The following SEC23B variants were observed in gnomAD, a reference collection of about 807,000 sequenced individuals.
The protein encoded by SEC23B is SEC23 homolog B, COPII component.
Under a neutral mutation model 104.3 loss-of-function variants are expected in SEC23B, and 77 were observed. The ratio of observed to expected loss-of-function variants is 0.74; its 90% CI spans 0.61 to 0.89. The LOEUF (loss-of-function observed/expected upper bound fraction) is 0.89, where lower values mean the gene tolerates loss of function less well. SEC23B is among the 40% of genes least tolerant of loss of function. The pLI is 0.00. For synonymous variants in SEC23B, 338 were observed against 332.5 expected (o/e 1.02, Z -0.18); for missense variants, 885 against 949.4 (o/e 0.93, Z 0.89).
intron 4 of SEC23B, among the ~76,000 whole-genome samples, chr20:18,523,637 G>A (rs867009618): frequency 2.7e-5 from 4 of 150,856 alleles, no homozygotes; most frequent in East Asian, 2.0e-4. Flanking sequence ...TCCTGACCTC[G>A]TGATCCACCT....
intron 9 of SEC23B, among the ~76,000 whole-genome samples, chr20:18,529,528 G>A (rs1408583606): frequency 6.6e-6 from 1 of 152,152 alleles, no homozygotes; most frequent in East Asian, 1.9e-4. Context: ...TGTTGCTTTC[G>A]TCATCATTAC....
At chr20:18,517,674 G>C (rs548373859) in intron 4 of SEC23B, among the ~76,000 whole-genome samples, 1 of 152,144 alleles carries the variant, frequency 6.6e-6, no homozygotes, top group Non-Finnish European at 1.5e-5. Flanking sequence ...TGCTTCTAGC[G>C]GGATTAGGGG....
chr20:18,530,362 C>T (rs537931693), intron 9 of SEC23B, among the ~76,000 whole-genome samples: 1 of 152,060 alleles, frequency 6.6e-6, no homozygotes, highest in African/African-American at 2.4e-5. Context: ...AGTGATTCTC[C>T]TGCCTCAGCC....
Position 18,551,165 on chromosome 20 carries a change from A to G in SEC23B, c.1982A>G (p.Tyr661Cys), listed in dbSNP as rs1469443559. The G allele has an allele frequency of 6.4e-7, 1 of 1,566,000 alleles. No individual in the cohort carries two copies. The highest frequency in any genetic ancestry group is 8.8e-7 in the Non-Finnish European group (1 of 1,141,278). Residue 661 changes from tyrosine to cysteine, a missense_variant, in exon 17 of 20, where the codon TAT (tyrosine) becomes TGT (cysteine). By Grantham distance (194) the Tyr-to-Cys change is radical (BLOSUM62 -2). Coordinates refer to ENST00000650089, the MANE Select transcript of SEC23B (RefSeq NM_006363.6). ...GATACTTTCTTTCAAATTGTCATTT[A>G]TCTTGGTGAGGTAAGATGATATTAT... Reference protein sequence around the residue: ...LMDTFFQIVIYLGETIAQWRK... With the variant: ...LMDTFFQIVICLGETIAQWRK...
chr20:18,530,656 C>T (rs778124952), intron 9 of SEC23B, 24 bp from the exon 10 acceptor site: 11 of 1,611,260 alleles, frequency 6.8e-6, no homozygotes, highest in Admixed American at 5.0e-5. Context: ...CTAATATTCA[C>T]TTGATTTTTT....
intron 17 of SEC23B, among the ~76,000 whole-genome samples, chr20:18,552,257 A>C (rs76912643): frequency 0.012 from 1,804 of 152,302 alleles, 32 homozygotes; most frequent in African/African-American, 0.04. Flanking sequence ...AGGAAGTGTT[A>C]GTTTTCTAAT....
At chr20:18,548,451 C>G (rs1382738845) in intron 15 of SEC23B, among the ~76,000 whole-genome samples, 158 bp from the exon 16 acceptor site, 1 of 152,208 alleles carries the variant, frequency 6.6e-6, no homozygotes, top group Non-Finnish European at 1.5e-5. Flanking sequence ...TTTCCTCTTT[C>G]CCTAGCCCCT....
chr20:18,560,734 C>T lies in SEC23B; in HGVS notation c.2298C>T (p.Ala766=), dbSNP rs77945587. The change falls in exon 20 of 20, where the codon GCC becomes GCT. Residue 766 remains alanine, a synonymous_variant. Coordinates refer to ENST00000650089, the MANE Select transcript of SEC23B (RefSeq NM_006363.6). ...DHLKKLAVSS[A]C ...TGAAGAAGCTGGCTGTCTCCAGTGCCTGTTAAGCTGAGGATACAACCAGGA... is the reference window on the plus strand; with the variant it reads ...TGAAGAAGCTGGCTGTCTCCAGTGCTTGTTAAGCTGAGGATACAACCAGGA... The T allele has an allele frequency of 1.5e-3, 2,373 of 1,612,348 alleles. 50 individuals carry two copies. The Admixed American group carries it at 0.033, about 23-fold the overall frequency.
chr20:18,517,410 A>G (rs2060039467), intron 4 of SEC23B, among the ~76,000 whole-genome samples: 1 of 152,238 alleles, frequency 6.6e-6, no homozygotes, highest in East Asian at 1.9e-4. Flanking sequence ...AGGGTGGGGC[A>G]GAAACAAATC....
chr20:18,532,528 G>A (rs2060196198), intron 10 of SEC23B, 136 bp from the exon 11 acceptor site: 1 of 753,694 alleles, frequency 1.3e-6, no homozygotes, highest in South Asian at 1.4e-5. Flanking sequence ...GGACTAAGCA[G>A]TTATGATCCC....
intron 3 of SEC23B, among the ~76,000 whole-genome samples, chr20:18,513,638 A>G (rs2060000253): frequency 6.6e-6 from 1 of 152,260 alleles, no homozygotes; most frequent in South Asian, 2.1e-4. Flanking sequence ...TGAAGAGGAC[A>G]GTGTACAATT....
At position 18,523,397 on chromosome 20, in the gene SEC23B, C is replaced by CTTTTTTTT. The variant is rs112136906; in HGVS notation, c.367-1027_367-1020dup. Among the ~76,000 whole-genome samples, 59 of 130,562 alleles carry CTTTTTTTT rather than the reference C, an allele frequency of 4.5e-4. 1 individual carries two copies. Among genetic ancestry groups the CTTTTTTTT allele is most frequent in the Non-Finnish European group, 5.0e-4 (32 of 63,828 alleles). 85.7% of individuals were successfully genotyped at this position (130,562 alleles called of 152,430 possible). A position where few individuals can be genotyped will look rare whatever the true frequency, so the allele number is the denominator to read the frequency against. ...TTCTCTTTCTTTGTTTCTTTCCTTT[C>CTTTTTTTT]TTTTTTTTTTTTTTTTCTTTTTTTA... On this transcript the variant is annotated intron_variant, in intron 4 of 19. Transcript: ENST00000650089.
chr20:18,556,776 A>T (rs6081210), intron 19 of SEC23B, among the ~76,000 whole-genome samples: 104,737 of 152,078 alleles, frequency 0.69, 37,584 homozygotes, highest in Non-Finnish European at 0.81. Context: ...GGTAGGCAGA[A>T]CACGAGGTCA....
At chr20:18,536,645 T>G (rs967093825) in intron 12 of SEC23B, among the ~76,000 whole-genome samples, 7 of 150,760 alleles carry the variant, frequency 4.6e-5, no homozygotes, top group Non-Finnish European at 1.0e-4. Context: ...TGAGCCAAGA[T>G]CGTGCCACTG....
At chr20:18,525,048 G>GTAACA in intron 6 of SEC23B, 28 bp downstream of exon 6, 1 of 1,579,558 alleles carries the variant, frequency 6.3e-7, no homozygotes, top group Non-Finnish European at 8.7e-7. Context: ...AGTGTTACAC[G>GTAACA]TATTGTGATG....
intron 19 of SEC23B, among the ~76,000 whole-genome samples, chr20:18,557,648 TAAAAG>T (rs1454805825): frequency 6.6e-6 from 1 of 152,136 alleles, no homozygotes; most frequent in Non-Finnish European, 1.5e-5. Context: ...TGATAAGTCT[TAAAAG>T]AAAAACCTAT....
At chr20:18,538,227 A>G (rs1425017760) in intron 12 of SEC23B, among the ~76,000 whole-genome samples, 1 of 148,268 alleles carries the variant, frequency 6.7e-6, no homozygotes, top group African/African-American at 2.5e-5. Flanking sequence ...GGTGTGAGCT[A>G]CCACGCCCCA....
chr20:18,519,962 G>A (rs1056766175), intron 4 of SEC23B, among the ~76,000 whole-genome samples: 10 of 152,178 alleles, frequency 6.6e-5, no homozygotes, highest in South Asian at 2.1e-4. Context: ...GGCTGTCCGC[G>A]AAGCCTTGCG....
Position 18,513,667 on chromosome 20 carries a change from C to T in SEC23B, c.279+1385C>T, listed in dbSNP as rs117413598. ...TACAATTGATGACTGACCATAGGTT[C>T]GGAAACTATAAGCAGATGTCATTTA... On this transcript the variant is annotated intron_variant, in intron 3 of 19. Transcript: ENST00000650089. 4.0e-3 allele frequency among the ~76,000 whole-genome samples: 608 copies of T among 152,240 alleles called. 3 individuals are homozygous for T. The highest frequency in any genetic ancestry group is 0.014 in the African/African-American group (580 of 41,536).
Sources: gnomAD v4.1 joint callset for allele counts (sites outside exome capture counted in the v4.1 genomes callset) on GRCh38, gnomAD v4.1.1 for gene constraint, MANE v1.5 for transcripts, NCBI Gene and HGNC (gene_info 2026-07-23, HGNC 2026-07-21) for gene names.